OSBPL1A: variants seen among roughly 807,000 people sequenced by gnomAD.
The protein encoded by OSBPL1A is oxysterol binding protein like 1A.
In OSBPL1A, 80 loss-of-function variants were observed where a neutral mutation model predicts 137.1. That is an observed-to-expected ratio of 0.58 (90% confidence interval 0.49 to 0.70). The LOEUF is 0.70. Among genes scored for constraint, OSBPL1A ranks in the 30% least tolerant of loss-of-function variants. OSBPL1A has a pLI of 0.00. For missense variants in OSBPL1A, 970 were observed against 1,129.4 expected, an observed-to-expected ratio of 0.86 and a Z score of 2.02; for synonymous variants, 365 against 389.7, an observed-to-expected ratio of 0.94 and a Z score of 0.75.
intron 15 of OSBPL1A, among the ~76,000 whole-genome samples, chr18:24,245,724 T>G (rs1442560724): frequency 6.6e-6 from 1 of 152,210 alleles, no homozygotes; most frequent in Non-Finnish European, 1.5e-5. Flanking sequence ...TATAGTATAG[T>G]ATACTCTTGC....
chr18:24,371,717 C>T (rs1051632569), intron 2 of OSBPL1A, among the ~76,000 whole-genome samples: 1 of 152,184 alleles, frequency 6.6e-6, no homozygotes, highest in African/African-American at 2.4e-5. Context: ...ACCTAACATT[C>T]CTTCCTGTCA....
At chr18:24,311,004 C>A (rs2090611499) in intron 13 of OSBPL1A, among the ~76,000 whole-genome samples, 2 of 152,114 alleles carry the variant, frequency 1.3e-5, no homozygotes, top group African/African-American at 4.8e-5. Flanking sequence ...TTCTCACATA[C>A]ACATTAGGCT....
chr18:24,390,455 G>C (rs1907252599), intron 1 of OSBPL1A, among the ~76,000 whole-genome samples: 1 of 152,104 alleles, frequency 6.6e-6, no homozygotes, highest in Non-Finnish European at 1.5e-5. Context: ...GACTTTGGGA[G>C]GCCAAGGCAG....
intron 4 of OSBPL1A, among the ~76,000 whole-genome samples, chr18:24,353,946 T>C (rs559668336): frequency 6.4e-4 from 94 of 147,874 alleles, no homozygotes; most frequent in African/African-American, 1.9e-3. Flanking sequence ...AGGGATAGCA[T>C]TAGGAGATAT....
At chr18:24,375,639 C>T (rs1337404575) in intron 2 of OSBPL1A, among the ~76,000 whole-genome samples, 1 of 152,132 alleles carries the variant, frequency 6.6e-6, no homozygotes, top group East Asian at 1.9e-4. Flanking sequence ...GTTCCAGTTT[C>T]ACACCTCTCC....
Position 24,178,112 on chromosome 18 carries a change from T to C in OSBPL1A, c.1994A>G (p.Asn665Ser), listed in dbSNP as rs1185305501. 5 of 1,613,650 alleles carry C rather than the reference T, an allele frequency of 3.1e-6. No homozygotes were observed. Among genetic ancestry groups the C allele is most frequent in the Non-Finnish European group, 4.2e-6 (5 of 1,179,804 alleles). Residue 665 changes from asparagine to serine, a missense_variant, in exon 21 of 28, where the codon AAT becomes AGT. Asn to Ser is a conservative substitution (Grantham distance 46). This residue lies in a region of OSBPL1A where 323 missense variants were observed against 456.8 expected (regional missense o/e 0.71). Coordinates refer to ENST00000319481, the MANE Select transcript of OSBPL1A (RefSeq NM_080597.4). ...GATAGAGCCATGAAAGATGAAGTCA[T>C]TGTTTAATCCTTCAGCATGAAATGC... ...ISAFHAEGLNNDFIFHGSIYP... is the reference protein window; with the variant it reads ...ISAFHAEGLNSDFIFHGSIYP...
chr18:24,342,610 T>A (rs1291521828), intron 4 of OSBPL1A, among the ~76,000 whole-genome samples: 1 of 152,192 alleles, frequency 6.6e-6, no homozygotes, highest in African/African-American at 2.4e-5. Context: ...ATTTCCTACA[T>A]TCTTTTAGAA....
intron 15 of OSBPL1A, among the ~76,000 whole-genome samples, chr18:24,275,918 G>A (rs1291142727): frequency 2.6e-5 from 4 of 151,850 alleles, no homozygotes; most frequent in Admixed American, 2.0e-4. Flanking sequence ...TAGTAGAGAC[G>A]AGGTTTCACC....
intron 17 of OSBPL1A, among the ~76,000 whole-genome samples, chr18:24,203,492 C>T (rs1442956541): frequency 6.6e-6 from 1 of 152,184 alleles, no homozygotes; most frequent in African/African-American, 2.4e-5. Context: ...AAGGACACTC[C>T]CCTTCACATC....
chr18:24,319,488 G>A (rs572549136), intron 7 of OSBPL1A, among the ~76,000 whole-genome samples: 34 of 152,262 alleles, frequency 2.2e-4, no homozygotes, highest in African/African-American at 7.7e-4. Flanking sequence ...AGGGTGTGAT[G>A]GTCCACAATT....
intron 11 of OSBPL1A, among the ~76,000 whole-genome samples, chr18:24,314,597 G>A (rs139686095): frequency 2.6e-5 from 4 of 152,216 alleles, no homozygotes; most frequent in East Asian, 3.9e-4. Context: ...CAGGTTTGTC[G>A]TTTTATTTTT....
intron 18 of OSBPL1A, among the ~76,000 whole-genome samples, chr18:24,186,307 G>C (rs1202754156): frequency 6.6e-6 from 1 of 152,140 alleles, no homozygotes. Context: ...CAATGTTACT[G>C]TGGTAATAGT....
chr18:24,313,613 G>A (rs190942236), intron 12 of OSBPL1A, among the ~76,000 whole-genome samples: 1 of 152,168 alleles, frequency 6.6e-6, no homozygotes, highest in African/African-American at 2.4e-5. Context: ...GCCTGGCCTT[G>A]GGAAATCACT....
rs372600623 is a variant in OSBPL1A, at chr18:24,210,421, G to A, written c.1602-14221C>T. Among the ~76,000 whole-genome samples the A allele has an allele frequency of 1.6e-4, 25 of 151,968 alleles. No individual in the cohort carries two copies. The East Asian group carries it at 1.9e-3, about 12-fold the overall frequency. ...CTACTGCACTCCAGCCTGGGTGATG[G>A]AGTGAGACTCCATCTCAAAAACAAA... On this transcript the variant is annotated intron_variant, in intron 17 of 27. Coordinates refer to ENST00000319481, the MANE Select transcript of OSBPL1A (RefSeq NM_080597.4).
At chr18:24,236,064 C>G (rs2088461964) in intron 16 of OSBPL1A, among the ~76,000 whole-genome samples, 1 of 152,108 alleles carries the variant, frequency 6.6e-6, no homozygotes, top group Non-Finnish European at 1.5e-5. Flanking sequence ...CTTCTAGAGC[C>G]TTTAGAAGAA....
At chr18:24,260,587 T>C (rs2089420492) in intron 15 of OSBPL1A, among the ~76,000 whole-genome samples, 2 of 152,168 alleles carry the variant, frequency 1.3e-5, no homozygotes, top group South Asian at 4.1e-4. Context: ...CACGAAATGT[T>C]CAAGACAGGC....
chr18:24,200,285 C>T (rs2087179031), intron 17 of OSBPL1A, among the ~76,000 whole-genome samples: 1 of 152,044 alleles, frequency 6.6e-6, no homozygotes, highest in Non-Finnish European at 1.5e-5. Context: ...AAAATCAGGC[C>T]GGGCGCCATG....
intron 4 of OSBPL1A, among the ~76,000 whole-genome samples, chr18:24,362,261 T>C (rs1056323126): frequency 6.6e-6 from 1 of 151,880 alleles, no homozygotes; most frequent in African/African-American, 2.4e-5. Context: ...AAACAGCAAG[T>C]AGTTCACGTA....
At chr18:24,286,141 A>G (rs945707493) in intron 14 of OSBPL1A, among the ~76,000 whole-genome samples, 11 of 152,196 alleles carry the variant, frequency 7.2e-5, no homozygotes, top group African/African-American at 2.4e-4. Context: ...TGGGTGACAG[A>G]GCAAGACTCT....
Sources: allele counts gnomAD v4.1 joint callset (sites outside exome capture counted in the v4.1 genomes callset), GRCh38; gene constraint gnomAD v4.1.1; regional missense constraint gnomAD v4.1.1; transcripts MANE v1.5; gene names NCBI Gene and HGNC (gene_info 2026-07-23, HGNC 2026-07-21).